The following IFTAP variants were observed in gnomAD, a reference collection of about 807,000 sequenced individuals.
IFTAP encodes the protein intraflagellar transport associated protein, also known as intraflagellar transport-associated protein.
Under a neutral mutation model 19.4 loss-of-function variants are expected in IFTAP, and 19 were observed. That is an observed-to-expected ratio of 0.98 (90% CI 0.68 to 1.44). The LOEUF (loss-of-function observed/expected upper bound fraction) is 1.44, where lower values mean the gene tolerates loss of function less well. Ranked by LOEUF, IFTAP falls within the 40% of genes most tolerant of loss-of-function variation. The pLI is 0.00. For missense variants in IFTAP, 240 were observed against 253.6 expected, an observed-to-expected ratio of 0.95 and a Z score of 0.36; for synonymous variants, 85 against 83.5, an observed-to-expected ratio of 1.02 and a Z score of -0.10.
At chr11:36,657,881 T>C (rs1403101436) in intron 5 of IFTAP, among the ~76,000 whole-genome samples, 1 of 152,166 alleles carries the variant, frequency 6.6e-6, no homozygotes, top group Non-Finnish European at 1.5e-5. Flanking sequence ...AAACAGGAAA[T>C]GAACGCATCT....
At chr11:36,631,414 T>C (rs1852720165) in intron 2 of IFTAP, among the ~76,000 whole-genome samples, 1 of 151,442 alleles carries the variant, frequency 6.6e-6, no homozygotes, top group Admixed American at 6.5e-5. Context: ...ACCTTATCTC[T>C]GTTTCCCATC....
rs117294440 is a variant in IFTAP, at chr11:36,619,427, A to G, written c.136+9188A>G. On this transcript the variant is annotated intron_variant, in intron 2 of 5. Transcript: ENST00000334307. Reference sequence around the variant, plus strand: ...AGGCTTTTCCCAATCTGAAGAATGAATTTAAAATCTGCTGTAGAAAAATAC... The same window carrying G: ...AGGCTTTTCCCAATCTGAAGAATGAGTTTAAAATCTGCTGTAGAAAAATAC... Among the ~76,000 whole-genome samples, 41 of 152,114 alleles carry G rather than the reference A, an allele frequency of 2.7e-4. No individual in the cohort carries two copies. The East Asian group carries it at 7.3e-3, about 27-fold the overall frequency.
chr11:36,622,326 C>T (rs900083888), intron 2 of IFTAP, among the ~76,000 whole-genome samples: 5 of 151,968 alleles, frequency 3.3e-5, no homozygotes, highest in Admixed American at 6.6e-5. Context: ...CTAACTTTCT[C>T]CAGTGTAGGT....
At chr11:36,619,753 A>G (rs1228216392) in intron 2 of IFTAP, among the ~76,000 whole-genome samples, 1 of 152,032 alleles carries the variant, frequency 6.6e-6, no homozygotes, top group Non-Finnish European at 1.5e-5. Flanking sequence ...CGTTGTTATC[A>G]GTCATTTAAT....
chr11:36,648,482 C>G (rs1046628635), intron 5 of IFTAP, among the ~76,000 whole-genome samples: 1 of 151,648 alleles, frequency 6.6e-6, no homozygotes, highest in Non-Finnish European at 1.5e-5. Flanking sequence ...TTTATTATTA[C>G]TGATAAGGTT....
At chr11:36,616,987 A>G (rs1400238495) in intron 2 of IFTAP, among the ~76,000 whole-genome samples, 1 of 151,736 alleles carries the variant, frequency 6.6e-6, no homozygotes, top group Non-Finnish European at 1.5e-5. Flanking sequence ...AATACAGATC[A>G]AGTATTTCTG....
Position 36,637,544 on chromosome 11 carries a change from A to AT in IFTAP, c.358+1430dup, listed in dbSNP as rs555795979. ...AGCACACTGTTTTGGGTTTTGGGTG[A>AT]TTTGGGGGAGGGAACCTTGTTAAAA... is the stretch of plus-strand genomic sequence containing the variant. On this transcript the variant is annotated intron_variant, in intron 4 of 5. Coordinates refer to ENST00000334307, the MANE Select transcript of IFTAP (RefSeq NM_138787.4). Among the ~76,000 whole-genome samples, 219 of 152,190 alleles carry AT rather than the reference A, an allele frequency of 1.4e-3. 1 individual carries two copies. Among genetic ancestry groups the AT allele is most frequent in the African/African-American group, 5.1e-3 (210 of 41,536 alleles).
intron 5 of IFTAP, among the ~76,000 whole-genome samples, chr11:36,654,967 A>G (rs1853914273): frequency 6.6e-6 from 1 of 152,146 alleles, no homozygotes; most frequent in Non-Finnish European, 1.5e-5. Flanking sequence ...CCAACAGGGC[A>G]GGGCATTTTT....
At chr11:36,597,112 AC>A (rs142579332) in intron 1 of IFTAP, among the ~76,000 whole-genome samples, 478 of 152,316 alleles carry the variant, frequency 3.1e-3, no homozygotes, top group African/African-American at 0.01. Context: ...TTTTTAGATT[AC>A]TCACTTTAAC....
At chr11:36,628,220 A>AG (rs1197078879) in intron 2 of IFTAP, among the ~76,000 whole-genome samples, 2 of 150,958 alleles carry the variant, frequency 1.3e-5, no homozygotes, top group African/African-American at 5.0e-5. Flanking sequence ...CCCTCCAAAT[A>AG]TACCCCGTCC....
chr11:36,623,165 C>T (rs954218917), intron 2 of IFTAP, among the ~76,000 whole-genome samples: 1 of 152,062 alleles, frequency 6.6e-6, no homozygotes, highest in African/African-American at 2.4e-5. Flanking sequence ...GATCTTGCCC[C>T]AAGATTCAGT....
chr11:36,635,542 T>A (rs1202787655), intron 3 of IFTAP, among the ~76,000 whole-genome samples: 1 of 152,188 alleles, frequency 6.6e-6, no homozygotes, highest in Non-Finnish European at 1.5e-5. Flanking sequence ...CCTGCTCACA[T>A]CTCTTGTGAT....
chr11:36,618,997 A>G (rs981185078), intron 2 of IFTAP, among the ~76,000 whole-genome samples: 2 of 151,990 alleles, frequency 1.3e-5, no homozygotes, highest in Admixed American at 6.6e-5. Context: ...GTACTGGCAG[A>G]GGATTAAGGA....
At chr11:36,634,667 G>T (rs1016674718) in intron 3 of IFTAP, among the ~76,000 whole-genome samples, 12 of 152,266 alleles carry the variant, frequency 7.9e-5, no homozygotes, top group African/African-American at 2.9e-4. Flanking sequence ...TTTTCAAGGT[G>T]ATCTGAATTG....
intron 4 of IFTAP, among the ~76,000 whole-genome samples, chr11:36,636,433 GTC>G (rs1565023408): frequency 6.6e-6 from 1 of 152,164 alleles, no homozygotes. Flanking sequence ...TAGAGGTACA[GTC>G]TTGTAAACTG....
chr11:36,627,169 C>T (rs1194944535), intron 2 of IFTAP, among the ~76,000 whole-genome samples: 1 of 151,064 alleles, frequency 6.6e-6, no homozygotes, highest in Non-Finnish European at 1.5e-5. Flanking sequence ...TTAATGGTTG[C>T]CTGTGGTTGG....
intron 1 of IFTAP, among the ~76,000 whole-genome samples, chr11:36,598,486 A>G (rs1474954478): frequency 6.6e-6 from 1 of 152,210 alleles, no homozygotes; most frequent in Non-Finnish European, 1.5e-5. Context: ...AAATACATAT[A>G]GTTTCTATGG....
At chr11:36,657,131 T>C (rs1459002568) in intron 5 of IFTAP, among the ~76,000 whole-genome samples, 1 of 152,134 alleles carries the variant, frequency 6.6e-6, no homozygotes, top group African/African-American at 2.4e-5. Context: ...AGACTGAATA[T>C]ATTGGTGGAA....
intron 5 of IFTAP, among the ~76,000 whole-genome samples, chr11:36,651,227 G>C (rs1853710353): frequency 6.6e-6 from 1 of 152,106 alleles, no homozygotes; most frequent in Non-Finnish European, 1.5e-5. Flanking sequence ...GTTGTTTCCT[G>C]ACTTTTTAAT....
Sources: gnomAD v4.1 joint callset for allele counts (sites outside exome capture counted in the v4.1 genomes callset) on GRCh38, gnomAD v4.1.1 for gene constraint, MANE v1.5 for transcripts, NCBI Gene and HGNC (gene_info 2026-07-23, HGNC 2026-07-21) for gene names.